Variants in ROBO3 observed in about 807,000 individuals in gnomAD.
ROBO3 encodes roundabout homolog 3.
ROBO3 carries 97 observed loss-of-function variants against 160.5 expected under a neutral mutation model. That is an observed-to-expected ratio of 0.60 (90% CI 0.51 to 0.72). The LOEUF is 0.72. Among genes scored for constraint, ROBO3 ranks in the 30% least tolerant of loss-of-function variants. The pLI is 0.00. For synonymous variants in ROBO3, 780 were observed against 746.2 expected, an observed-to-expected ratio of 1.05 and a Z score of -0.74; for missense variants, 1,858 against 1,846.5, an observed-to-expected ratio of 1.01 and a Z score of -0.11.
chr11:124,876,417 C>T lies in ROBO3; in HGVS notation c.2736C>T (p.Leu912=). The T allele has an allele frequency of 1.4e-6, 2 of 1,449,800 alleles. No homozygotes were observed. Among genetic ancestry groups the T allele is most frequent in the Non-Finnish European group, 1.8e-6 (2 of 1,107,524 alleles). 89.8% of individuals were successfully genotyped at this position (1,449,800 alleles called of 1,614,324 possible). A position where few individuals can be genotyped will look rare whatever the true frequency, so the allele number is the denominator to read the frequency against. The change falls in exon 17 of 28, where the codon CTC becomes CTT. Residue 912 remains leucine, a synonymous_variant. Coordinates refer to ENST00000397801, the MANE Select transcript of ROBO3 (RefSeq NM_022370.4). This position sits in a 1 kb window ranked among gnomAD's most constrained non-coding sequence, Gnocchi z 5.3. ...GALLLGLCAA[L]YWRRKQRKEL... is the part of the protein sequence containing the mutation. ...TGCTTCTCGGGCTCTGCGCCGCCCT[C>T]TACTGGCGCCGGAAACAGCGCAAAG...
chr11:124,869,429 G>A lies in ROBO3; in HGVS notation c.488-21G>A. On this transcript the variant is annotated intron_variant, in intron 2 of 27. Coordinates refer to ENST00000397801, the MANE Select transcript of ROBO3 (RefSeq NM_022370.4). This position sits in a 1 kb window ranked among gnomAD's most constrained non-coding sequence, Gnocchi z 4.2. ...TGTCACTCTACACCCTGCTTATTTC[G>A]CCCCCCACCGCCCCGCCCAGTCCTC... 1.5e-6 allele frequency: 2 copies of A among 1,295,762 alleles called. No homozygotes were observed. Among genetic ancestry groups the A allele is most frequent in the Non-Finnish European group, 2.2e-6 (2 of 929,942 alleles). The allele number at this position is 1,295,762 out of a possible 1,614,324, so 80.3% of individuals were successfully genotyped here.
At chr11:124,875,012 A>G (rs1946333329) in intron 13 of ROBO3, 99 bp from the exon 14 acceptor site, 1 of 1,515,208 alleles carries the variant, frequency 6.6e-7, no homozygotes, top group Non-Finnish European at 8.9e-7. Flanking sequence ...TGGCTGGGGA[A>G]GGCGGCATGA....
intron 1 of ROBO3, among the ~76,000 whole-genome samples, chr11:124,868,093 A>T (rs1210714627): frequency 6.6e-6 from 1 of 152,182 alleles, no homozygotes; most frequent in Non-Finnish European, 1.5e-5. Flanking sequence ...TCTATTGGAA[A>T]CTATGCACCT....
In ROBO3 at chr11:124,879,860, C is replaced by T. The variant is rs778969763; in HGVS notation, c.3870C>T (p.Ser1290=). The T allele has an allele frequency of 6.2e-7, 1 of 1,613,676 alleles. No individual in the cohort carries two copies. Among genetic ancestry groups the T allele is most frequent in the South Asian group, 1.1e-5 (1 of 91,018 alleles). Residue 1290 remains serine (S), a synonymous_variant, in exon 26 of 28, where the codon AGC becomes AGT. Transcript: ENST00000397801. The part of the protein sequence containing the change: ...SWALELRAAG[S]MSSLERERSG... ...CCCTAGAGCTGAGGGCAGCAGGCAG[C>T]ATGTCCTCCCTGGAGCGGGAGCGCA...
In ROBO3 at chr11:124,877,578, C is replaced by A. The variant is rs1226401760; in HGVS notation, c.2906C>A (p.Pro969Gln). The A allele has an allele frequency of 1.2e-6, 2 of 1,604,098 alleles. No homozygotes were observed. The change falls in exon 20 of 28, where the codon CCA becomes CAA. Residue 969 changes from proline to glutamine, a missense_variant. By Grantham distance (76) the Pro-to-Gln change is moderately conservative. Coordinates refer to ENST00000397801, the MANE Select transcript of ROBO3 (RefSeq NM_022370.4). ...TGGCTGGCAGATTCGTGGCCCCACC[C>A]ATCTCGAAGCCCCTCGGCCCAGGAA... is the stretch of plus-strand genomic sequence containing the variant. Reference protein sequence around the residue: ...YSWLADSWPHPSRSPSAQEPR... With the variant: ...YSWLADSWPHQSRSPSAQEPR...
rs1037086183 is a variant in ROBO3 at position 124,874,308 on chromosome 11, T to A, written c.1951+72T>A. 5.0e-6 allele frequency: 7 copies of A among 1,398,218 alleles called. No individual in the cohort carries two copies. In the African/African-American group the frequency reaches 8.5e-5, roughly 17 times the overall value. 86.6% of individuals were successfully genotyped at this position (1,398,218 alleles called of 1,614,324 possible). ...AAAGCAACCCTCTCCCCCAAAACCA[T>A]GACACCACGGCAGTTCATACAGTTC... is the stretch of plus-strand genomic sequence containing the variant. On this transcript the variant is annotated intron_variant, in intron 12 of 27. Transcript: ENST00000397801.
chr11:124,878,065 C>T lies in ROBO3; in HGVS notation c.3115C>T (p.His1039Tyr). 2 of 1,612,698 alleles carry T rather than the reference C, an allele frequency of 1.2e-6. No individual in the cohort carries two copies. The highest frequency in any genetic ancestry group is 1.7e-4 in the Middle Eastern group (1 of 6,060). ...GACCTTCCATGGGGGCTTCCCCCAA[C>T]ATCCCTCAGGAGATCTGGGTCCCTG... ...LQTFHGGFPQ[H>Y]PSGDLGPWSQ... The change falls in exon 21 of 28, where the codon CAT becomes TAT. Residue 1039 changes from histidine to tyrosine, a missense_variant. Physicochemically the swap from His to Tyr is moderately conservative, Grantham distance 83. Coordinates refer to ENST00000397801, the MANE Select transcript of ROBO3 (RefSeq NM_022370.4). This position sits in a 1 kb window ranked among gnomAD's most constrained non-coding sequence, Gnocchi z 4.3.
In ROBO3 at chr11:124,870,154, C is replaced by G; in HGVS notation, c.767-11C>G. Reference sequence around the variant, plus strand: ...AGACACCCTGACTGTTCACTCACTACCACTCCATAGAGCGTCCCTCATTCC... The same window carrying G: ...AGACACCCTGACTGTTCACTCACTAGCACTCCATAGAGCGTCCCTCATTCC... On this transcript the variant is annotated splice_polypyrimidine_tract_variant and intron_variant, in intron 4 of 27. Transcript: ENST00000397801. 1 of 1,614,040 alleles carries G rather than the reference C, an allele frequency of 6.2e-7. No homozygotes were observed. The highest frequency in any genetic ancestry group is 8.5e-7 in the Non-Finnish European group (1 of 1,179,890).
Position 124,869,021 on chromosome 11 carries a change from G to T in ROBO3, c.380G>T (p.Arg127Leu). 1 of 1,601,616 alleles carries T rather than the reference G, an allele frequency of 6.2e-7. No homozygotes were observed. The highest frequency in any genetic ancestry group is 8.5e-7 in the Non-Finnish European group (1 of 1,174,884). The change falls in exon 2 of 28, where the codon CGC becomes CTC. Residue 127 changes from arginine to leucine, a missense_variant. Coordinates refer to ENST00000397801, the MANE Select transcript of ROBO3 (RefSeq NM_022370.4). The surrounding 1 kb of genome is among the most constrained non-coding windows in gnomAD (Gnocchi z 4.2). ...LLPSGALFFP[R>L]IVHGRRARPD... ...CCCAGCGGCGCCCTCTTCTTCCCGC[G>T]CATCGTGCACGGGCGCCGCGCGCGG...
In ROBO3 at chr11:124,874,183, G is replaced by C; in HGVS notation, c.1898G>C (p.Gly633Ala). ...TACCTGTTTCTGGTTCGAGCAGTGGGAGCCTGGGGCCTCAGTGAGCCCAGC... is the reference window on the plus strand; with the variant it reads ...TACCTGTTTCTGGTTCGAGCAGTGGCAGCCTGGGGCCTCAGTGAGCCCAGC... ...TIYLFLVRAVGAWGLSEPSPV... is the reference protein window; with the variant it reads ...TIYLFLVRAVAAWGLSEPSPV... Residue 633 changes from glycine to alanine, a missense_variant, in exon 12 of 28, where the codon GGA (glycine) becomes GCA (alanine). Physicochemically the swap from Gly to Ala is moderately conservative, Grantham distance 60. Coordinates refer to ENST00000397801, the MANE Select transcript of ROBO3 (RefSeq NM_022370.4). 6.2e-7 allele frequency: 1 copy of C among 1,613,952 alleles called. No individual in the cohort carries two copies. Among genetic ancestry groups the C allele is most frequent in the Non-Finnish European group, 8.5e-7 (1 of 1,179,886 alleles).
chr11:124,868,950 T>A lies in ROBO3; in HGVS notation c.309T>A (p.Arg103=), dbSNP rs748701583. 8.7e-6 allele frequency: 14 copies of A among 1,605,260 alleles called. No individual in the cohort carries two copies. Residue 103 remains arginine, a synonymous_variant, in exon 2 of 28, where the codon CGT becomes CGA. Transcript: ENST00000397801. The part of the protein sequence containing the change: ...PNIEWYKNGA[R]VATVREDPRA... ...TTGAGTGGTACAAGAACGGGGCGCGTGTGGCCACTGTGCGGGAGGATCCGC... is the reference window on the plus strand; with the variant it reads ...TTGAGTGGTACAAGAACGGGGCGCGAGTGGCCACTGTGCGGGAGGATCCGC...
chr11:124,877,510 C>T lies in ROBO3; in HGVS notation c.2847-9C>T, dbSNP rs773679483. On this transcript the variant is annotated splice_polypyrimidine_tract_variant and intron_variant, in intron 19 of 27. Transcript: ENST00000397801. ...TCTCCGTCCCCAACGCTCACCTGCT[C>T]TCCCTCAGGCCACCCATGGGCCTTG... 4 of 1,600,734 alleles carry T rather than the reference C, an allele frequency of 2.5e-6. No individual in the cohort carries two copies. The highest frequency in any genetic ancestry group is 3.5e-5 in the Admixed American group (2 of 57,876).
chr11:124,868,394 T>A (rs1254599151), intron 1 of ROBO3: 1 of 480,778 alleles, frequency 2.1e-6, no homozygotes, highest in Non-Finnish European at 3.8e-6. Context: ...GGTCTTTCAC[T>A]GAGCAAGGAC....
Position 124,873,333 on chromosome 11 carries a change from C to T in ROBO3, c.1560C>T (p.Ser520=), listed in dbSNP as rs1386506411. The change falls in exon 10 of 28, where the codon AGC becomes AGT. Residue 520 remains serine (S), a synonymous_variant. Transcript: ENST00000397801. This position sits in a 1 kb window ranked among gnomAD's most constrained non-coding sequence, Gnocchi z 4.5. ...NVQEMDMGFY[S]CVAKSSTGEA... ...AGGAGATGGACATGGGCTTCTACAG[C>T]TGCGTGGCCAAGAGTTCCACAGGGG... 2 of 1,611,552 alleles carry T rather than the reference C, an allele frequency of 1.2e-6. No homozygotes were observed. Among genetic ancestry groups the T allele is most frequent in the South Asian group, 1.1e-5 (1 of 90,192 alleles).
Position 124,876,189 on chromosome 11 carries a change from T to C in ROBO3, c.2593+64T>C. The C allele has an allele frequency of 6.5e-7, 1 of 1,532,718 alleles. No homozygotes were observed. Among genetic ancestry groups the C allele is most frequent in the Non-Finnish European group, 8.7e-7 (1 of 1,147,158 alleles). 94.9% of individuals were successfully genotyped at this position (1,532,718 alleles called of 1,614,324 possible). On this transcript the variant is annotated intron_variant, in intron 16 of 27. Transcript: ENST00000397801. The surrounding 1 kb of genome is among the most constrained non-coding windows in gnomAD (Gnocchi z 5.3). Reference sequence around the variant, plus strand: ...GGGCGGGGCAAGCCCCCCACTGGGGTAGCTGTGCCTGCCGGGTCGGGAATG... The same window carrying C: ...GGGCGGGGCAAGCCCCCCACTGGGGCAGCTGTGCCTGCCGGGTCGGGAATG...
In ROBO3 at chr11:124,873,567, G is replaced by T. The variant is rs913711545; in HGVS notation, c.1619-130G>T. The T allele has an allele frequency of 7.0e-6, 7 of 999,886 alleles. No individual in the cohort carries two copies. The highest frequency in any genetic ancestry group is 5.9e-6 in the Non-Finnish European group (4 of 676,896). 61.9% of individuals were successfully genotyped at this position (999,886 alleles called of 1,614,324 possible). On this transcript the variant is annotated intron_variant, in intron 10 of 27. Transcript: ENST00000397801. This position sits in a 1 kb window ranked among gnomAD's most constrained non-coding sequence, Gnocchi z 4.5. ...CCATGGGAGGCAGATGTGAGTAGGG[G>T]TTCATATACTATAGCCCACTCTGAC... is the stretch of plus-strand genomic sequence containing the variant.
chr11:124,870,374 A>G (rs1946265223), intron 5 of ROBO3, 71 bp downstream of exon 5: 1 of 1,544,050 alleles, frequency 6.5e-7, no homozygotes, highest in Non-Finnish European at 8.8e-7. Context: ...AGAAAACCGG[A>G]AGACAGGCAC....
chr11:124,876,960 A>G lies in ROBO3; in HGVS notation c.2780-201A>G, dbSNP rs535864786. On this transcript the variant is annotated intron_variant, in intron 17 of 27. Coordinates refer to ENST00000397801, the MANE Select transcript of ROBO3 (RefSeq NM_022370.4). This position sits in a 1 kb window ranked among gnomAD's most constrained non-coding sequence, Gnocchi z 5.3. ...CAGTGGTTTTCAATCTTGGTTGGCT[A>G]CACATAGGAATCACTTGAGGGGCTT... The G allele has an allele frequency of 1.5e-6, 1 of 666,580 alleles. No homozygotes were observed. The highest frequency in any genetic ancestry group is 1.8e-5 in the African/African-American group (1 of 55,520). The allele number at this position is 666,580 out of a possible 1,614,324, so 41.3% of individuals were successfully genotyped here. A position where few individuals can be genotyped will look rare whatever the true frequency, so the allele number is the denominator to read the frequency against.
In ROBO3 at chr11:124,871,782, C is replaced by T. The variant is rs558153921; in HGVS notation, c.1159-599C>T. Among the ~76,000 whole-genome samples the T allele has an allele frequency of 2.0e-5, 3 of 152,340 alleles. No individual in the cohort carries two copies. In the South Asian group the frequency reaches 6.2e-4, roughly 32 times the overall value. On this transcript the variant is annotated intron_variant, in intron 7 of 27. Coordinates refer to ENST00000397801, the MANE Select transcript of ROBO3 (RefSeq NM_022370.4). ...TGGAAAACAAGGCAACCTGCTACCT[C>T]ATTCCAAATCGACAGCCACAATTTT...
Sources: allele counts gnomAD v4.1 joint callset (sites outside exome capture counted in the v4.1 genomes callset), GRCh38; gene constraint gnomAD v4.1.1; non-coding constraint Gnocchi (gnomAD v3.1); transcripts MANE v1.5; gene names NCBI Gene and HGNC (gene_info 2026-07-23, HGNC 2026-07-21).